Variants in ARFGEF2 observed in about 807,000 individuals in gnomAD.
ARFGEF2 encodes brefeldin A-inhibited guanine nucleotide-exchange protein 2.
Under a neutral mutation model 219.9 loss-of-function variants are expected in ARFGEF2, and 74 were observed. The ratio of observed to expected loss-of-function variants is 0.34; its 90% CI spans 0.28 to 0.41. The LOEUF (loss-of-function observed/expected upper bound fraction) is 0.41. ARFGEF2 is among the 10% of genes least tolerant of loss of function. The pLI is 1.00. For synonymous variants in ARFGEF2, 733 were observed against 799.2 expected, an observed-to-expected ratio of 0.92 and a Z score of 1.40; for missense variants, 1,743 against 2,218.3, an observed-to-expected ratio of 0.79 and a Z score of 4.30.
intron 1 of ARFGEF2, among the ~76,000 whole-genome samples, chr20:48,927,229 A>G (rs1440866029): frequency 6.6e-6 from 1 of 152,172 alleles, no homozygotes; most frequent in Non-Finnish European, 1.5e-5. Flanking sequence ...TGTGTGTAAG[A>G]CATACAAATG....
chr20:48,952,737 T>G lies in ARFGEF2; in HGVS notation c.456T>G (p.Ile152Met). The G allele has an allele frequency of 6.2e-7, 1 of 1,614,200 alleles. No individual in the cohort carries two copies. Among genetic ancestry groups the G allele is most frequent in the Non-Finnish European group, 8.5e-7 (1 of 1,180,024 alleles). The change falls in exon 5 of 39, where the codon ATT becomes ATG. Residue 152 changes from isoleucine to methionine, a missense_variant. By Grantham distance (10) the Ile-to-Met change is conservative. Coordinates refer to ENST00000371917, the MANE Select transcript of ARFGEF2 (RefSeq NM_006420.3). ...ALLTAVTSPH[I>M]EIHEGTILQT... ...TGACTGCAGTGACTTCCCCACACATTGAAATTCATGAGGGTACTATCCTGC... is the reference window on the plus strand; with the variant it reads ...TGACTGCAGTGACTTCCCCACACATGGAAATTCATGAGGGTACTATCCTGC...
rs958965195 is a variant in ARFGEF2 at position 49,028,661 on chromosome 20, C to G, written c.5056C>G (p.Leu1686Val). 24 of 1,614,046 alleles carry G rather than the reference C, an allele frequency of 1.5e-5. No homozygotes were observed. The highest frequency in any genetic ancestry group is 2.0e-5 in the Non-Finnish European group (24 of 1,179,970). Residue 1686 changes from leucine (L) to valine (V), a missense_variant, in exon 37 of 39, where the codon CTT (leucine) becomes GTT (valine). Leu to Val is a conservative substitution (Grantham distance 32). This residue lies in a region of ARFGEF2 where 578 missense variants were observed against 664.0 expected (regional missense o/e 0.87). Transcript: ENST00000371917. ...TTCCTGGGAAGAAATACAGCAGAGA[C>G]TTTTAACGTAAGAAAATTAGTTTCT... ...RDSWEEIQQR[L>V]LTVCSEALAY...
intron 14 of ARFGEF2, 120 bp from the exon 15 acceptor site, chr20:48,984,609 G>C (rs1159249702): frequency 7.7e-6 from 10 of 1,293,578 alleles, no homozygotes. Context: ...ACATGACCTT[G>C]CTAGCTTATA....
chr20:48,922,887 C>T (rs1334158037), intron 1 of ARFGEF2, among the ~76,000 whole-genome samples: 2 of 152,118 alleles, frequency 1.3e-5, no homozygotes, highest in African/African-American at 2.4e-5. Flanking sequence ...CCCTATGGAG[C>T]TTATACTCGA....
chr20:48,961,945 G>A (rs1361217410), intron 6 of ARFGEF2, among the ~76,000 whole-genome samples: 1 of 151,972 alleles, frequency 6.6e-6, no homozygotes, highest in Non-Finnish European at 1.5e-5. Flanking sequence ...TTGGGAGGCC[G>A]AGGTGGGTGG....
intron 38 of ARFGEF2, 147 bp from the exon 39 acceptor site, chr20:49,032,876 A>T: frequency 1.2e-6 from 1 of 811,832 alleles, no homozygotes; most frequent in Non-Finnish European, 2.0e-6. Context: ...TATAGGCGTG[A>T]ATCACTGCGC....
At chr20:49,018,594 C>T (rs926496789) in intron 33 of ARFGEF2, among the ~76,000 whole-genome samples, 2 of 152,112 alleles carry the variant, frequency 1.3e-5, no homozygotes, top group African/African-American at 2.4e-5. Context: ...TGAACTTGCT[C>T]GCATAAAAAA....
In ARFGEF2 at chr20:49,025,456, G is replaced by A. The variant is rs1342196021; in HGVS notation, c.4899G>A (p.Glu1633=). The part of the protein sequence containing the change: ...SFSKAFNSNY[E]QRTVLWRAGF... ...CAAAGGCCTTCAACTCCAATTACGA[G>A]CAGCGGACTGTCCTGTGGCGAGCAG... The change falls in exon 36 of 39, where the codon GAG becomes GAA. Residue 1633 remains glutamate, a synonymous_variant. Coordinates refer to ENST00000371917, the MANE Select transcript of ARFGEF2 (RefSeq NM_006420.3). 6.2e-7 allele frequency: 1 copy of A among 1,614,054 alleles called. No homozygotes were observed. Among genetic ancestry groups the A allele is most frequent in the Non-Finnish European group, 8.5e-7 (1 of 1,179,978 alleles).
intron 3 of ARFGEF2, among the ~76,000 whole-genome samples, chr20:48,950,788 C>A (rs2091061412): frequency 1.2e-5 from 1 of 86,294 alleles, no homozygotes; most frequent in Non-Finnish European, 2.2e-5. Context: ...AGAATAAGAC[C>A]CTGTCTAAAA....
At chr20:48,997,265 TATTG>T (rs11471982) in intron 23 of ARFGEF2, among the ~76,000 whole-genome samples, 9,834 of 150,894 alleles carry the variant, frequency 0.065, 1,003 homozygotes, top group African/African-American at 0.22. Context: ...ATATCTTATG[TATTG>T]ATTGATTGAT....
intron 12 of ARFGEF2, among the ~76,000 whole-genome samples, chr20:48,973,857 C>T (rs2091243817): frequency 6.6e-6 from 1 of 152,076 alleles, no homozygotes; most frequent in Non-Finnish European, 1.5e-5. Context: ...CTATGCTGTC[C>T]GAGTTGCTGT....
In ARFGEF2 at chr20:49,025,481, G is replaced by A. The variant is rs1284288591; in HGVS notation, c.4924G>A (p.Gly1642Ser). The change falls in exon 36 of 39, where the codon GGT becomes AGT. Residue 1642 changes from glycine (G) to serine (S), a missense_variant and splice_region_variant. Around this residue, in one of 5 missense-constraint regions of ARFGEF2, gnomAD observed 578 missense variants for 664.0 expected, o/e 0.87. Transcript: ENST00000371917. ...YEQRTVLWRAGFKGKSKPNLL... is the reference protein window; with the variant it reads ...YEQRTVLWRASFKGKSKPNLL... ...GCAGCGGACTGTCCTGTGGCGAGCA[G>A]GTAAGGCCACACAGCAGATAAGATA... The A allele has an allele frequency of 6.2e-7, 1 of 1,613,880 alleles. No individual in the cohort carries two copies. The highest frequency in any genetic ancestry group is 8.5e-7 in the Non-Finnish European group (1 of 1,179,966).
chr20:48,986,874 T>C (rs767695780), intron 16 of ARFGEF2, among the ~76,000 whole-genome samples: 4 of 152,216 alleles, frequency 2.6e-5, no homozygotes, highest in Non-Finnish European at 5.9e-5. Context: ...TAATTTTTTG[T>C]ATAATATTTC....
intron 8 of ARFGEF2, 38 bp downstream of exon 8, chr20:48,966,061 T>C: frequency 6.2e-7 from 1 of 1,613,128 alleles, no homozygotes; most frequent in Non-Finnish European, 8.5e-7. Context: ...TTATTGCCAT[T>C]TTTACTTTTT....
chr20:48,935,016 G>A (rs866545459), intron 1 of ARFGEF2, among the ~76,000 whole-genome samples: 2 of 152,198 alleles, frequency 1.3e-5, no homozygotes, highest in Non-Finnish European at 2.9e-5. Context: ...TCCAGCATCT[G>A]TTGTTTCCTG....
At chr20:49,022,705 C>T (rs1034966325) in intron 34 of ARFGEF2, among the ~76,000 whole-genome samples, 7 of 152,184 alleles carry the variant, frequency 4.6e-5, no homozygotes. Flanking sequence ...CTGTCTCTAC[C>T]TATCATCAAT....
At chr20:48,960,078 G>A (rs898871297) in intron 6 of ARFGEF2, among the ~76,000 whole-genome samples, 45 of 152,308 alleles carry the variant, frequency 3.0e-4, no homozygotes, top group African/African-American at 1.0e-3. Context: ...ATGAGTCATA[G>A]GCAGTTTCAC....
At chr20:48,974,910 A>T (rs1376415973) in intron 13 of ARFGEF2, 36 bp downstream of exon 13, 2 of 1,531,804 alleles carry the variant, frequency 1.3e-6, no homozygotes, top group Non-Finnish European at 1.8e-6. Flanking sequence ...ACCTCCATTC[A>T]TAATAGGCTC....
intron 14 of ARFGEF2, among the ~76,000 whole-genome samples, chr20:48,980,383 A>T (rs1213113028): frequency 1.3e-5 from 2 of 152,192 alleles, no homozygotes; most frequent in Non-Finnish European, 2.9e-5. Flanking sequence ...GCATTTGCTG[A>T]GGAGTGCTTT....
Sources: gnomAD v4.1 joint callset for allele counts (sites outside exome capture counted in the v4.1 genomes callset) on GRCh38, gnomAD v4.1.1 for gene constraint, gnomAD v4.1.1 regional missense constraint, MANE v1.5 for transcripts, NCBI Gene and HGNC (gene_info 2026-07-23, HGNC 2026-07-21) for gene names.